CELF4: variants seen among roughly 807,000 people sequenced by gnomAD.
CELF4 encodes CUGBP Elav-like family member 4, also known as CUG-BP- and ETR-3-like factor 4.
Under a neutral mutation model 59.9 loss-of-function variants are expected in CELF4, and 18 were observed. The ratio of observed to expected loss-of-function variants is 0.30; its 90% confidence interval spans 0.21 to 0.45. The LOEUF is 0.45. Among genes scored for constraint, CELF4 ranks in the 20% least tolerant of loss-of-function variants. The pLI is 1.00. For missense variants in CELF4, 456 were observed against 689.0 expected (o/e 0.66, Z 3.79); for synonymous variants, 261 against 267.1 (o/e 0.98, Z 0.22).
At chr18:37,328,883 C>T (rs2097429454) in intron 2 of CELF4, among the ~76,000 whole-genome samples, 1 of 152,220 alleles carries the variant, frequency 6.6e-6, no homozygotes, top group Non-Finnish European at 1.5e-5. Flanking sequence ...ACATAATTTG[C>T]AGGACCCCTT....
Position 37,270,835 on chromosome 18 carries a change from G to C in CELF4, c.1032C>G (p.Leu344=). ...CAGGTTGCCCATTGGCCTGTGGGGG[G>C]AGGCCGGTGAAGCCATTCACCCCAA... is the stretch of plus-strand genomic sequence containing the variant. ...SPIGVNGFTG[L]PPQANGQPAA... is the part of the protein sequence containing the mutation. Residue 344 remains leucine (L), a synonymous_variant, in exon 8 of 13, where the codon CTC becomes CTG. Coordinates refer to ENST00000420428, the MANE Select transcript of CELF4 (RefSeq NM_020180.4). The C allele has an allele frequency of 2.5e-6, 4 of 1,613,864 alleles. No individual in the cohort carries two copies. The highest frequency in any genetic ancestry group is 2.5e-6 in the Non-Finnish European group (3 of 1,179,946).
chr18:37,395,917 C>T (rs944769834), intron 2 of CELF4, among the ~76,000 whole-genome samples: 4 of 152,208 alleles, frequency 2.6e-5, no homozygotes, highest in Middle Eastern at 3.2e-3. Context: ...ATCCATCTAA[C>T]TCCCGTGCTC....
chr18:37,334,728 G>A (rs900237951), intron 2 of CELF4, among the ~76,000 whole-genome samples: 7 of 152,020 alleles, frequency 4.6e-5, no homozygotes, highest in East Asian at 3.9e-4. Context: ...CCTGACCCGG[G>A]GGGGACAGCT....
chr18:37,408,679 T>C (rs2099409583), intron 2 of CELF4, among the ~76,000 whole-genome samples: 1 of 152,156 alleles, frequency 6.6e-6, no homozygotes, highest in South Asian at 2.1e-4. Flanking sequence ...ATTTCACAGC[T>C]GCCCTTTGTT....
At chr18:37,256,804 C>T (rs1417980506) in intron 11 of CELF4, among the ~76,000 whole-genome samples, 3 of 152,148 alleles carry the variant, frequency 2.0e-5, no homozygotes, top group South Asian at 2.1e-4. Context: ...AGGCTGGTCT[C>T]GAACTCCTGA....
At chr18:37,539,811 TTAAATG>T (rs112280701) in intron 1 of CELF4, among the ~76,000 whole-genome samples, 15,332 of 152,048 alleles carry the variant, frequency 0.1, 1,513 homozygotes, top group African/African-American at 0.25. Flanking sequence ...TAAAGTTAAT[TTAAATG>T]TAAATGTAAA....
At chr18:37,482,239 C>T (rs2099869837) in intron 2 of CELF4, among the ~76,000 whole-genome samples, 1 of 152,120 alleles carries the variant, frequency 6.6e-6, no homozygotes, top group Non-Finnish European at 1.5e-5. Context: ...GATTGAGAAA[C>T]TGCCCCATGT....
intron 2 of CELF4, among the ~76,000 whole-genome samples, chr18:37,442,643 C>T (rs1158565174): frequency 1.3e-5 from 2 of 152,172 alleles, no homozygotes; most frequent in Non-Finnish European, 2.9e-5. Flanking sequence ...TTTCAGTCCA[C>T]CGGGCACATT....
At chr18:37,554,274 G>C (rs556856348) in intron 1 of CELF4, among the ~76,000 whole-genome samples, 30 of 152,136 alleles carry the variant, frequency 2.0e-4, no homozygotes, top group African/African-American at 6.8e-4. Flanking sequence ...GCAGTGACCC[G>C]CAGGGCTCTT....
At chr18:37,407,565 ATATG>A (rs776309678) in intron 2 of CELF4, among the ~76,000 whole-genome samples, 38 of 150,010 alleles carry the variant, frequency 2.5e-4, no homozygotes, top group Non-Finnish European at 4.7e-4. Flanking sequence ...ATGTGTATAT[ATATG>A]TGTGTGTATG....
At chr18:37,414,783 C>T (rs2099513711) in intron 2 of CELF4, among the ~76,000 whole-genome samples, 2 of 152,002 alleles carry the variant, frequency 1.3e-5, no homozygotes, top group African/African-American at 2.4e-5. Flanking sequence ...AGGTGTGAGC[C>T]ACAAAGCCCG....
chr18:37,269,780 C>T (rs1787635), intron 8 of CELF4, among the ~76,000 whole-genome samples: 5,478 of 152,304 alleles, frequency 0.036, 327 homozygotes, highest in African/African-American at 0.12. Context: ...TGAGAACACT[C>T]ACTCATGATC....
At chr18:37,386,860 G>A (rs2099104737) in intron 2 of CELF4, among the ~76,000 whole-genome samples, 1 of 152,130 alleles carries the variant, frequency 6.6e-6, no homozygotes, top group Admixed American at 6.5e-5. Context: ...ACAGAGTGGG[G>A]CTCTGTGAAT....
At chr18:37,356,433 G>A (rs2154557486) in intron 2 of CELF4, among the ~76,000 whole-genome samples, 1 of 152,300 alleles carries the variant, frequency 6.6e-6, no homozygotes, top group Non-Finnish European at 1.5e-5. Context: ...ACATGAAAGA[G>A]GTGCTGGAAA....
At chr18:37,317,257 C>T (rs1374708422) in intron 3 of CELF4, among the ~76,000 whole-genome samples, 1 of 152,174 alleles carries the variant, frequency 6.6e-6, no homozygotes, top group African/African-American at 2.4e-5. Flanking sequence ...CGTGGTGGCG[C>T]ACACTTGTAA....
intron 12 of CELF4, among the ~76,000 whole-genome samples, chr18:37,252,003 G>A (rs1220920446): frequency 6.6e-6 from 1 of 152,178 alleles, no homozygotes; most frequent in Non-Finnish European, 1.5e-5. Context: ...ATTGCAGAGA[G>A]TGGAGGCACA....
intron 3 of CELF4, among the ~76,000 whole-genome samples, chr18:37,316,986 C>T (rs1024421404): frequency 6.6e-6 from 1 of 152,222 alleles, no homozygotes; most frequent in Non-Finnish European, 1.5e-5. Context: ...GGTTCTGCCA[C>T]TTTCTGTCTG....
chr18:37,347,901 G>A (rs556194565), intron 2 of CELF4, among the ~76,000 whole-genome samples: 31 of 152,242 alleles, frequency 2.0e-4, no homozygotes, highest in Admixed American at 6.5e-4. Flanking sequence ...CCTCCCAGAG[G>A]GCTCCCCTTT....
In CELF4 at chr18:37,370,242, C is replaced by T. The variant is rs765029971; in HGVS notation, c.370-48361G>A. ...ACTAGTTGTCCTGCTTTCCCGAGCCCGAGGGGAAGGAGGAGAGGATGGCTG... is the reference window on the plus strand; with the variant it reads ...ACTAGTTGTCCTGCTTTCCCGAGCCTGAGGGGAAGGAGGAGAGGATGGCTG... On this transcript the variant is annotated intron_variant, in intron 2 of 12. Coordinates refer to ENST00000420428, the MANE Select transcript of CELF4 (RefSeq NM_020180.4). 1.2e-4 allele frequency among the ~76,000 whole-genome samples: 19 copies of T among 152,222 alleles called. No individual in the cohort carries two copies. The Middle Eastern group carries it at 0.01, about 82-fold the overall frequency.
Sources: allele counts gnomAD v4.1 joint callset (sites outside exome capture counted in the v4.1 genomes callset), GRCh38; gene constraint gnomAD v4.1.1; transcripts MANE v1.5; gene names NCBI Gene and HGNC (gene_info 2026-07-23, HGNC 2026-07-21).